Variants in CEP295 observed in about 807,000 individuals in gnomAD.
CEP295 encodes the protein centrosomal protein of 295 kDa.
A neutral mutation model predicts 291.6 loss-of-function variants in CEP295; 190 were observed. The observed-to-expected ratio is 0.65, with a 90% CI of 0.58 to 0.73. CEP295 has a LOEUF of 0.73. Among genes scored for constraint, CEP295 ranks in the 30% least tolerant of loss-of-function variants. CEP295 has a pLI of 0.00. For synonymous variants in CEP295, 993 were observed against 1,038.8 expected (o/e 0.96, Z 0.85); for missense variants, 2,863 against 2,949.4 (o/e 0.97, Z 0.68).
intron 7 of CEP295, among the ~76,000 whole-genome samples, chr11:93,681,076 A>G (rs1162170817): frequency 3.3e-5 from 5 of 152,340 alleles, no homozygotes; most frequent in East Asian, 3.9e-4. Context: ...CACAAAAAGC[A>G]GTCATAAATT....
chr11:93,666,855 C>G, intron 2 of CEP295, 40 bp downstream of exon 2: 1 of 1,082,926 alleles, frequency 9.2e-7, no homozygotes, highest in Non-Finnish European at 1.4e-6. Flanking sequence ...TTCCTTTCTT[C>G]CTCAAATTAC....
rs1207780147 is a variant in CEP295 at position 93,683,749 on chromosome 11, T to C, written c.949+7T>C. On this transcript the variant is annotated splice_region_variant and intron_variant, in intron 8 of 29. Transcript: ENST00000325212. Reference sequence around the variant, plus strand: ...ATGTACAATGCAGACAGGAGTAAGATATTTTCAGTAGGGCTTTCAATAGTG... The same window carrying C: ...ATGTACAATGCAGACAGGAGTAAGACATTTTCAGTAGGGCTTTCAATAGTG... 8.5e-6 allele frequency: 13 copies of C among 1,526,982 alleles called. No individual in the cohort carries two copies. In the Admixed American group the frequency reaches 3.1e-4, roughly 36 times the overall value. The allele number at this position is 1,526,982 out of a possible 1,614,324, so 94.6% of individuals were successfully genotyped here. A position where few individuals can be genotyped will look rare whatever the true frequency, so the allele number is the denominator to read the frequency against.
At chr11:93,719,130 C>T (rs1448661478) in intron 18 of CEP295, among the ~76,000 whole-genome samples, 2 of 151,442 alleles carry the variant, frequency 1.3e-5, no homozygotes, top group African/African-American at 2.4e-5. Context: ...CAAAGATTTG[C>T]GATTAGCTTT....
rs1200487743 is a variant in CEP295 at position 93,683,613 on chromosome 11, C to T, written c.820C>T (p.Arg274Cys). 3.0e-5 allele frequency: 46 copies of T among 1,543,872 alleles called. No homozygotes were observed. The highest frequency in any genetic ancestry group is 6.9e-5 in the African/African-American group (5 of 72,460). The change falls in exon 8 of 30, where the codon CGT becomes TGT. Residue 274 changes from arginine to cysteine, a missense_variant. By Grantham distance (180) the Arg-to-Cys change is radical. This residue lies in a region of CEP295 where 554 missense variants were observed against 576.0 expected (regional missense o/e 0.96). Coordinates refer to ENST00000325212, the MANE Select transcript of CEP295 (RefSeq NM_033395.2). Reference protein sequence around the residue: ...LKQLQQEDLARRRQTVAQMPP... With the variant: ...LKQLQQEDLACRRQTVAQMPP... ...ACAGCTACAGCAAGAGGACCTGGCA[C>T]GTAGGAGACAGACTGTAGCACAAAT...
rs752471392 is a variant in CEP295 at position 93,699,569 on chromosome 11, T to G, written c.4657T>G (p.Ser1553Ala). The G allele has an allele frequency of 6.4e-7, 1 of 1,551,916 alleles. No individual in the cohort carries two copies. Among genetic ancestry groups the G allele is most frequent in the South Asian group, 1.2e-5 (1 of 84,058 alleles). The change falls in exon 15 of 30, where the codon TCC (serine) becomes GCC (alanine). Residue 1553 changes from serine (S) to alanine (A), a missense_variant. Ser to Ala is a moderately conservative substitution (Grantham distance 99). Coordinates refer to ENST00000325212, the MANE Select transcript of CEP295 (RefSeq NM_033395.2). Reference sequence around the variant, plus strand: ...ACAAGTTTGCTCCTCTTCATTTGTATCCCAGGTGCCTGTTGCTGACTCTGA... The same window carrying G: ...ACAAGTTTGCTCCTCTTCATTTGTAGCCCAGGTGCCTGTTGCTGACTCTGA... ...SEQVCSSSFV[S>A]QVPVADSERT...
chr11:93,709,882 A>T (rs551251311), intron 18 of CEP295, among the ~76,000 whole-genome samples: 16 of 152,080 alleles, frequency 1.1e-4, no homozygotes, highest in African/African-American at 3.9e-4. Flanking sequence ...ATTCCTAGGT[A>T]TTTAATTTTC....
At chr11:93,670,006 A>T (rs1392531870) in intron 5 of CEP295, among the ~76,000 whole-genome samples, 1 of 152,116 alleles carries the variant, frequency 6.6e-6, no homozygotes, top group African/African-American at 2.4e-5. Flanking sequence ...TAATACTAAT[A>T]TTGTTTCCAA....
chr11:93,703,229 G>T (rs1287227389), intron 17 of CEP295, among the ~76,000 whole-genome samples: 1 of 152,054 alleles, frequency 6.6e-6, no homozygotes, highest in African/African-American at 2.4e-5. Context: ...CTCCCGACGT[G>T]CTAGGATTAC....
In CEP295 at chr11:93,723,005, GCCTATTTACATATTTTCATT is replaced by G. The variant is rs1565217650; in HGVS notation, c.5948-35_5948-16del. The G allele has an allele frequency of 6.5e-7, 1 of 1,536,358 alleles. No homozygotes were observed. On this transcript the variant is annotated splice_polypyrimidine_tract_variant and intron_variant, in intron 20 of 29. Transcript: ENST00000325212. ...TTACAGGCGTGAGCCATCACGCCTG[GCCTATTTACATATTTTCATT>G]AAACTCAATTTTCAGAGTCATTTTC...
rs1591024694 is a variant in CEP295 at position 93,687,532 on chromosome 11, A to G, written c.1115-112A>G. 4 of 606,520 alleles carry G rather than the reference A, an allele frequency of 6.6e-6. No individual in the cohort carries two copies. The East Asian group carries it at 1.1e-4, about 17-fold the overall frequency. The allele number at this position is 606,520 out of a possible 1,614,324, so 37.6% of individuals were successfully genotyped here. A position where few individuals can be genotyped will look rare whatever the true frequency, so the allele number is the denominator to read the frequency against. ...GTTAAATCGTAAATATGAGGAAAAT[A>G]AAACTGTGCTTTTAACTAGTGGTTA... On this transcript the variant is annotated intron_variant, in intron 9 of 29. Transcript: ENST00000325212.
intron 24 of CEP295, 115 bp downstream of exon 24, chr11:93,727,752 TC>T: frequency 1.2e-6 from 1 of 827,430 alleles, no homozygotes; most frequent in Non-Finnish European, 1.8e-6. Context: ...GAACTCAAAC[TC>T]CTAGGATCAA....
chr11:93,691,832 A>G (rs1951568225), intron 11 of CEP295, 57 bp downstream of exon 11: 3 of 1,312,468 alleles, frequency 2.3e-6, no homozygotes, highest in East Asian at 2.5e-5. Flanking sequence ...CTTTTTTTTA[A>G]ATAAAATTAC....
At chr11:93,663,087 G>A (rs1396444933) in intron 1 of CEP295, among the ~76,000 whole-genome samples, 1 of 152,184 alleles carries the variant, frequency 6.6e-6, no homozygotes, top group Non-Finnish European at 1.5e-5. Context: ...GATTAAGGGG[G>A]ACATGACAAC....
At chr11:93,673,915 C>T (rs1301931522) in intron 5 of CEP295, among the ~76,000 whole-genome samples, 5 of 150,134 alleles carry the variant, frequency 3.3e-5, no homozygotes, top group Non-Finnish European at 5.9e-5. Context: ...TCACATCAGA[C>T]TGTACATTTT....
At chr11:93,711,893 T>A (rs551865501) in intron 18 of CEP295, among the ~76,000 whole-genome samples, 1 of 152,158 alleles carries the variant, frequency 6.6e-6, no homozygotes, top group East Asian at 1.9e-4. Flanking sequence ...CTGACAATGA[T>A]CCATGTGCTG....
Position 93,698,642 on chromosome 11 carries a change from T to G in CEP295, c.3730T>G (p.Leu1244Val). Reference protein sequence around the residue: ...PKIPRCQERLLRVSQHMLPLQ... With the variant: ...PKIPRCQERLVRVSQHMLPLQ... ...GATCCCAAGATGTCAGGAAAGACTTTTGAGAGTTTCACAACATATGCTACC... is the reference window on the plus strand; with the variant it reads ...GATCCCAAGATGTCAGGAAAGACTTGTGAGAGTTTCACAACATATGCTACC... Residue 1244 changes from leucine to valine, a missense_variant, in exon 15 of 30, where the codon TTG becomes GTG. By Grantham distance (32) the Leu-to-Val change is conservative. Transcript: ENST00000325212. 5 of 1,551,046 alleles carry G rather than the reference T, an allele frequency of 3.2e-6. No homozygotes were observed. The Middle Eastern group carries it at 8.3e-4, about 259-fold the overall frequency.
intron 9 of CEP295, among the ~76,000 whole-genome samples, chr11:93,685,637 T>C (rs1951195216): frequency 6.6e-6 from 1 of 152,240 alleles, no homozygotes; most frequent in South Asian, 2.1e-4. Context: ...CTCCAAGCTT[T>C]CCACTTAAAT....
chr11:93,728,521 T>C, intron 24 of CEP295, 160 bp from the exon 25 acceptor site: 1 of 540,992 alleles, frequency 1.8e-6, no homozygotes, highest in African/African-American at 2.0e-5. Flanking sequence ...TATGGAAGCC[T>C]AAGGAAATCT....
At chr11:93,687,927 G>A (rs540614167) in intron 10 of CEP295, 62 bp downstream of exon 10, 43 of 1,236,192 alleles carry the variant, frequency 3.5e-5, no homozygotes, top group East Asian at 7.9e-5. Context: ...AAGTAGGTTC[G>A]TTTCTGAAAA....
Sources: gnomAD v4.1 joint callset for allele counts (sites outside exome capture counted in the v4.1 genomes callset) on GRCh38, gnomAD v4.1.1 for gene constraint, gnomAD v4.1.1 regional missense constraint, MANE v1.5 for transcripts, NCBI Gene and HGNC (gene_info 2026-07-23, HGNC 2026-07-21) for gene names.